The following PDZRN4 variants were observed in gnomAD, a reference collection of about 807,000 sequenced individuals.
The protein encoded by PDZRN4 is PDZ domain containing ring finger 4, also known as PDZ domain-containing RING finger protein 4.
Under a neutral mutation model 99.0 loss-of-function variants are expected in PDZRN4, and 70 were observed. The observed-to-expected ratio is 0.71, with a 90% confidence interval of 0.58 to 0.86. The LOEUF (loss-of-function observed/expected upper bound fraction) is 0.86, where lower values mean the gene tolerates loss of function less well. PDZRN4 is among the 40% of genes least tolerant of loss of function. PDZRN4 has a pLI of 0.00. For synonymous variants in PDZRN4, 551 were observed against 501.6 expected, an observed-to-expected ratio of 1.10 and a Z score of -1.32; for missense variants, 1,474 against 1,331.2, an observed-to-expected ratio of 1.11 and a Z score of -1.67.
chr12:41,525,938 C>T (rs922041728), intron 5 of PDZRN4, among the ~76,000 whole-genome samples: 7 of 152,032 alleles, frequency 4.6e-5, no homozygotes, highest in African/African-American at 1.7e-4. Context: ...TACTTTGATT[C>T]TCTGCCATTT....
intron 3 of PDZRN4, among the ~76,000 whole-genome samples, chr12:41,270,260 T>TTGTG (rs151300178): frequency 7.3e-4 from 105 of 143,490 alleles, no homozygotes; most frequent in African/African-American, 1.3e-3. Context: ...ATCGTAACTA[T>TTGTG]TGTGTGTGTG....
intron 8 of PDZRN4, among the ~76,000 whole-genome samples, chr12:41,567,126 C>A (rs1418972460): frequency 1.3e-5 from 2 of 152,210 alleles, no homozygotes; most frequent in African/African-American, 4.8e-5. Flanking sequence ...GTCGCATCCA[C>A]TGAGGTGTTT....
In PDZRN4 at chr12:41,265,429, G is replaced by A. The variant is rs925879218; in HGVS notation, c.843+71241G>A. ...TTAAGAATTAATATGTTGTGGATAT[G>A]GTTTTACCTTAAGAAACCATTCTAT... On this transcript the variant is annotated intron_variant, in intron 3 of 9. Transcript: ENST00000402685. 2.6e-5 allele frequency among the ~76,000 whole-genome samples: 4 copies of A among 152,182 alleles called. No individual in the cohort carries two copies. In the South Asian group the frequency reaches 8.3e-4, roughly 32 times the overall value.
chr12:41,315,185 C>T (rs1342465341), intron 3 of PDZRN4, among the ~76,000 whole-genome samples: 1 of 152,164 alleles, frequency 6.6e-6, no homozygotes, highest in African/African-American at 2.4e-5. Context: ...GAAGATATTT[C>T]ATTGTGAAAT....
At chr12:41,376,699 G>GT (rs1044407517) in intron 3 of PDZRN4, among the ~76,000 whole-genome samples, 1 of 151,786 alleles carries the variant, frequency 6.6e-6, no homozygotes, top group Non-Finnish European at 1.5e-5. Context: ...TTTTGTTGAT[G>GT]TTTTTTTCGT....
At chr12:41,195,968 A>C (rs2120647963) in intron 3 of PDZRN4, among the ~76,000 whole-genome samples, 1 of 152,286 alleles carries the variant, frequency 6.6e-6, no homozygotes, top group East Asian at 1.9e-4. Flanking sequence ...GACACAACAG[A>C]AATACGTATT....
chr12:41,349,374 G>T (rs1260541742), intron 3 of PDZRN4, among the ~76,000 whole-genome samples: 1 of 151,182 alleles, frequency 6.6e-6, no homozygotes, highest in Non-Finnish European at 1.5e-5. Context: ...CTGAATTTAG[G>T]ATATTCTTTG....
intron 3 of PDZRN4, among the ~76,000 whole-genome samples, chr12:41,347,908 A>G (rs1311848421): frequency 6.6e-6 from 1 of 152,148 alleles, no homozygotes; most frequent in Non-Finnish European, 1.5e-5. Flanking sequence ...TAACTATTAT[A>G]TAGTTATGAT....
chr12:41,299,082 A>G (rs1477099270), intron 3 of PDZRN4, among the ~76,000 whole-genome samples: 2 of 152,128 alleles, frequency 1.3e-5, no homozygotes. Context: ...TTCTTCAGTT[A>G]GAGCAATAAG....
chr12:41,544,989 C>A (rs901717137), intron 5 of PDZRN4, among the ~76,000 whole-genome samples: 1 of 152,112 alleles, frequency 6.6e-6, no homozygotes. Context: ...GTTTAAGAAC[C>A]GATAGGACAA....
chr12:41,445,943 A>G (rs1465626918), intron 3 of PDZRN4, among the ~76,000 whole-genome samples: 1 of 151,994 alleles, frequency 6.6e-6, no homozygotes, highest in Non-Finnish European at 1.5e-5. Context: ...CATCAATATA[A>G]CCTGTCCCAT....
At chr12:41,538,610 T>C (rs1047438632) in intron 5 of PDZRN4, among the ~76,000 whole-genome samples, 12 of 152,254 alleles carry the variant, frequency 7.9e-5, no homozygotes, top group Admixed American at 5.2e-4. Context: ...GAGAAACATG[T>C]CCACTCTTTA....
intron 3 of PDZRN4, among the ~76,000 whole-genome samples, chr12:41,223,426 AT>A (rs1410763455): frequency 6.6e-6 from 1 of 151,870 alleles, no homozygotes; most frequent in Admixed American, 6.6e-5. Context: ...ATCTATATGT[AT>A]TTAGTTCAGA....
chr12:41,437,904 G>C, intron 3 of PDZRN4: 2 of 1,613,748 alleles, frequency 1.2e-6, no homozygotes, highest in Non-Finnish European at 1.7e-6. Flanking sequence ...TTTCAGTTCT[G>C]GGGAAATTAG....
rs1052829396 is a variant in PDZRN4, at chr12:41,410,994, T to C, written c.844-95462T>C. 3.3e-5 allele frequency among the ~76,000 whole-genome samples: 5 copies of C among 151,914 alleles called. No individual in the cohort carries two copies. The South Asian group carries it at 1.0e-3, about 32-fold the overall frequency. Reference sequence around the variant, plus strand: ...CCAAGGTTCAACCAATCCTCCCATCTCAGGCTCCCGAATAGCTAGGACCAC... The same window carrying C: ...CCAAGGTTCAACCAATCCTCCCATCCCAGGCTCCCGAATAGCTAGGACCAC... On this transcript the variant is annotated intron_variant, in intron 3 of 9. Transcript: ENST00000402685.
intron 5 of PDZRN4, among the ~76,000 whole-genome samples, chr12:41,541,662 C>T (rs1480188472): frequency 6.6e-6 from 1 of 151,816 alleles, no homozygotes; most frequent in Non-Finnish European, 1.5e-5. Context: ...ACCGTGTTAG[C>T]CAGGATGGTC....
intron 3 of PDZRN4, among the ~76,000 whole-genome samples, chr12:41,209,346 T>TTTATG (rs1451573861): frequency 1.7e-4 from 25 of 150,954 alleles, no homozygotes; most frequent in African/African-American, 5.8e-4. Context: ...ATTTTTTTAT[T>TTTATG]TATTTATTTT....
chr12:41,278,089 AC>A (rs1198534375), intron 3 of PDZRN4, among the ~76,000 whole-genome samples: 2 of 152,206 alleles, frequency 1.3e-5, no homozygotes, highest in Non-Finnish European at 2.9e-5. Context: ...TTGCATGGAC[AC>A]TAAGATGATC....
intron 3 of PDZRN4, among the ~76,000 whole-genome samples, chr12:41,476,802 T>C (rs1325421855): frequency 6.6e-6 from 1 of 152,180 alleles, no homozygotes; most frequent in Non-Finnish European, 1.5e-5. Context: ...CGATCTCCAA[T>C]TAAGCATCTG....
Sources: gnomAD v4.1 joint callset for allele counts (sites outside exome capture counted in the v4.1 genomes callset) on GRCh38, gnomAD v4.1.1 for gene constraint, MANE v1.5 for transcripts, NCBI Gene and HGNC (gene_info 2026-07-23, HGNC 2026-07-21) for gene names.